Variants in BCL7C observed in about 807,000 individuals in gnomAD.
BCL7C encodes the protein BAF chromatin remodeling complex subunit BCL7C, also known as B-cell CLL/lymphoma 7 protein family member C.
A neutral mutation model predicts 26.2 loss-of-function variants in BCL7C; 8 were observed. The observed-to-expected ratio is 0.30, with a 90% CI of 0.18 to 0.55. The LOEUF (loss-of-function observed/expected upper bound fraction) is 0.55. Among genes scored for constraint, BCL7C ranks in the 20% least tolerant of loss-of-function variants. BCL7C has a pLI of 0.93. For missense variants in BCL7C, 262 were observed against 298.5 expected (o/e 0.88, Z 0.90); for synonymous variants, 90 against 116.5 (o/e 0.77, Z 1.47).
At chr16:30,857,199 G>A (rs2054729941) in intron 5 of BCL7C, among the ~76,000 whole-genome samples, 2 of 151,830 alleles carry the variant, frequency 1.3e-5, no homozygotes, top group Admixed American at 1.3e-4. Flanking sequence ...GACCAGCCTG[G>A]CCAACATGGT....
chr16:30,860,066 TCAATCTCCCTCTCTC>T (rs2054757012), intron 5 of BCL7C, among the ~76,000 whole-genome samples: 1 of 12,504 alleles, frequency 8.0e-5, no homozygotes, highest in South Asian at 4.3e-4. Context: ...TTGCTACCCT[TCAATCTCCCTCTCTC>T]GCTACCCTTC....
chr16:30,874,143 G>A (rs1166667584), intron 5 of BCL7C, among the ~76,000 whole-genome samples: 3 of 151,346 alleles, frequency 2.0e-5, no homozygotes, highest in Non-Finnish European at 2.9e-5. Flanking sequence ...TTACAGGTGT[G>A]TGGCACCACA....
intron 5 of BCL7C, among the ~76,000 whole-genome samples, chr16:30,844,301 G>T (rs146818834): frequency 8.3e-6 from 1 of 120,038 alleles, no homozygotes; most frequent in Non-Finnish European, 1.6e-5. Context: ...AGTGAGCCCA[G>T]ATGGCACCAA....
In BCL7C at chr16:30,892,757, C is replaced by G. The variant is rs2055271393; in HGVS notation, c.281-10G>C. 6.2e-7 allele frequency: 1 copy of G among 1,614,122 alleles called. No homozygotes were observed. The highest frequency in any genetic ancestry group is 1.3e-5 in the African/African-American group (1 of 75,026). On this transcript the variant is annotated splice_polypyrimidine_tract_variant and intron_variant, in intron 3 of 5. Coordinates refer to ENST00000215115, the MANE Select transcript of BCL7C (RefSeq NM_004765.4). ...TGGTTGCTGTTCTCATCTGCGGGAG[C>G]AAGAGCCGAGATGGTTGGCCTGAGA...
chr16:30,881,392 T>TCACACACACACACACACACACA (rs72155482), intron 5 of BCL7C, among the ~76,000 whole-genome samples: 15 of 144,124 alleles, frequency 1.0e-4, no homozygotes, highest in South Asian at 9.2e-4. Flanking sequence ...TGAGACTCCG[T>TCACACACACACACACACACACA]CACACACACA....
intron 5 of BCL7C, among the ~76,000 whole-genome samples, chr16:30,874,742 G>A (rs1226021955): frequency 6.6e-6 from 1 of 152,196 alleles, no homozygotes; most frequent in Non-Finnish European, 1.5e-5. Flanking sequence ...TATCCTTCCC[G>A]ACTGAGCCAC....
At chr16:30,839,785 C>G (rs948371802) in intron 5 of BCL7C, among the ~76,000 whole-genome samples, 1 of 152,202 alleles carries the variant, frequency 6.6e-6, no homozygotes, top group African/African-American at 2.4e-5. Context: ...GAGCTAAGAA[C>G]CCAGTCACAC....
In BCL7C at chr16:30,835,081, CTCCTGAGGGG is replaced by C. The variant is rs2054561535; in HGVS notation, c.586_595del (p.Pro196GlyfsTer55). 5.2e-6 allele frequency: 8 copies of C among 1,546,354 alleles called. No individual in the cohort carries two copies. In the South Asian group the frequency reaches 9.5e-5, roughly 18 times the overall value. On this transcript the variant is annotated frameshift_variant, in exon 6 of 6. Transcript: ENST00000380317. LOFTEE classifies it high-confidence loss of function. ...CCGGAGGCCCCTCCTGGGCAGGAGC[CTCCTGAGGGG>C]CTCTGTCTTCAGCCCCTTCTCGTGA...
chr16:30,885,714 G>A (rs776384106), downstream of BCL7C, among the ~76,000 whole-genome samples: 3 of 151,864 alleles, frequency 2.0e-5, no homozygotes, highest in Admixed American at 6.6e-5. Flanking sequence ...AATGTCTGTG[G>A]CTTTGAGCCC....
chr16:30,848,502 T>C (rs2151362374), intron 5 of BCL7C, among the ~76,000 whole-genome samples: 1 of 152,280 alleles, frequency 6.6e-6, no homozygotes, highest in Non-Finnish European at 1.5e-5. Context: ...GCTAATGGAT[T>C]ATAGTGTCCC....
At chr16:30,847,485 G>C (rs2054643137) in intron 5 of BCL7C, among the ~76,000 whole-genome samples, 1 of 152,082 alleles carries the variant, frequency 6.6e-6, no homozygotes, top group Non-Finnish European at 1.5e-5. Context: ...GTTGCCAGTA[G>C]GTCTTTAATA....
intron 5 of BCL7C, chr16:30,851,231 C>A: frequency 3.4e-6 from 1 of 292,858 alleles, no homozygotes; most frequent in South Asian, 3.5e-5. Context: ...ATTTCATAGC[C>A]CAATTCGTTC....
chr16:30,878,842 CAA>C (rs1402617371), intron 5 of BCL7C, among the ~76,000 whole-genome samples: 22 of 98,762 alleles, frequency 2.2e-4, no homozygotes, highest in South Asian at 3.2e-4. Flanking sequence ...GACTCCGTCT[CAA>C]AAAAAAAAAA....
intron 5 of BCL7C, among the ~76,000 whole-genome samples, chr16:30,858,754 C>G (rs908490295): frequency 5.9e-5 from 9 of 152,136 alleles, no homozygotes; most frequent in African/African-American, 2.2e-4. Flanking sequence ...AGAAGACCAA[C>G]AACCAAACAA....
chr16:30,846,160 G>A (rs2054633857), intron 5 of BCL7C, among the ~76,000 whole-genome samples: 2 of 149,598 alleles, frequency 1.3e-5, no homozygotes, highest in Admixed American at 1.3e-4. Context: ...TCAGTAGCTG[G>A]GACCACAGGT....
chr16:30,874,547 A>C (rs1019246671), intron 5 of BCL7C, among the ~76,000 whole-genome samples: 1 of 151,554 alleles, frequency 6.6e-6, no homozygotes, highest in Non-Finnish European at 1.5e-5. Flanking sequence ...AGCCCTCGGG[A>C]GGTCGAAGCT....
At chr16:30,881,664 C>T (rs1341548786) in intron 5 of BCL7C, among the ~76,000 whole-genome samples, 1 of 152,138 alleles carries the variant, frequency 6.6e-6, no homozygotes, top group Non-Finnish European at 1.5e-5. Flanking sequence ...CTGACCTGAA[C>T]TCACTCCCCT....
chr16:30,836,133 A>G (rs145589792), intron 5 of BCL7C, among the ~76,000 whole-genome samples: 1 of 152,276 alleles, frequency 6.6e-6, no homozygotes, highest in Non-Finnish European at 1.5e-5. Context: ...TGACACCTGT[A>G]ATCCCAGCTA....
downstream of BCL7C, among the ~76,000 whole-genome samples, chr16:30,886,258 G>A (rs956900145): frequency 1.2e-4 from 18 of 152,194 alleles, no homozygotes; most frequent in African/African-American, 3.1e-4. Context: ...AGAGTGAGAG[G>A]GCCTTATATT....
Sources: allele counts gnomAD v4.1 joint callset (sites outside exome capture counted in the v4.1 genomes callset), GRCh38; gene constraint gnomAD v4.1.1; transcripts MANE v1.5; gene names NCBI Gene and HGNC (gene_info 2026-07-23, HGNC 2026-07-21).